Variants in PIBF1 observed in about 807,000 individuals in gnomAD.
PIBF1 encodes progesterone-induced-blocking factor 1.
A neutral mutation model predicts 112.5 loss-of-function variants in PIBF1; 90 were observed. The observed-to-expected ratio is 0.80, with a 90% CI of 0.67 to 0.95. The LOEUF (loss-of-function observed/expected upper bound fraction) is 0.95, where lower values mean the gene tolerates loss of function less well. PIBF1 is among the 40% of genes least tolerant of loss of function. The pLI, the probability that PIBF1 is intolerant of heterozygous loss-of-function variation, is 0.00. For missense variants in PIBF1, 915 were observed against 852.3 expected, an observed-to-expected ratio of 1.07 and a Z score of -0.92; for synonymous variants, 301 against 288.6, an observed-to-expected ratio of 1.04 and a Z score of -0.44.
intron 17 of PIBF1, 80 bp from the exon 18 acceptor site, chr13:73,015,789 A>G: frequency 1.5e-6 from 1 of 663,826 alleles, no homozygotes; most frequent in Non-Finnish European, 2.3e-6. Flanking sequence ...AAAAACCTCA[A>G]TGTATATAGT....
intron 9 of PIBF1, among the ~76,000 whole-genome samples, chr13:72,850,218 C>A (rs1303557226): frequency 2.6e-5 from 4 of 152,158 alleles, no homozygotes; most frequent in Non-Finnish European, 5.9e-5. Context: ...TTGGTAGAAG[C>A]CTTAGCTTCT....
At chr13:72,842,184 G>A (rs140031813) in intron 9 of PIBF1, among the ~76,000 whole-genome samples, 164 of 152,312 alleles carry the variant, frequency 1.1e-3, no homozygotes, top group African/African-American at 3.8e-3. Flanking sequence ...AAGGTAAAGG[G>A]AGATAAATTC....
intron 15 of PIBF1, among the ~76,000 whole-genome samples, chr13:72,972,774 G>A (rs2042930299): frequency 6.6e-6 from 1 of 152,112 alleles, no homozygotes; most frequent in Non-Finnish European, 1.5e-5. Context: ...CACCATGCCA[G>A]GCCAGAAATT....
At chr13:72,839,077 C>A (rs889623684) in intron 9 of PIBF1, among the ~76,000 whole-genome samples, 1 of 152,140 alleles carries the variant, frequency 6.6e-6, no homozygotes, top group Non-Finnish European at 1.5e-5. Context: ...ATGAATTGAT[C>A]TGATTTTATA....
chr13:72,996,654 G>A (rs2043682699), intron 16 of PIBF1, among the ~76,000 whole-genome samples: 1 of 152,012 alleles, frequency 6.6e-6, no homozygotes. Flanking sequence ...TGGGTGTGGG[G>A]GAATGCCCCT....
chr13:72,932,675 A>G (rs964998383), intron 14 of PIBF1, among the ~76,000 whole-genome samples: 3 of 152,236 alleles, frequency 2.0e-5, no homozygotes, highest in African/African-American at 7.2e-5. Flanking sequence ...TAATGTTTGC[A>G]CCATACAGAT....
At chr13:72,857,840 CAAAACAAAAACA>C (rs759159210) in intron 10 of PIBF1, among the ~76,000 whole-genome samples, 1 of 151,874 alleles carries the variant, frequency 6.6e-6, no homozygotes, top group African/African-American at 2.4e-5. Context: ...AACTCTGTCT[CAAAACAAAAACA>C]AAAACAAAAA....
intron 1 of PIBF1, among the ~76,000 whole-genome samples, chr13:72,782,648 T>A (rs1165704856): frequency 6.6e-6 from 1 of 152,216 alleles, no homozygotes; most frequent in Non-Finnish European, 1.5e-5. Flanking sequence ...CATGAGGTAT[T>A]AAAACAAGGT....
At chr13:72,917,200 C>T (rs1241251980) in intron 13 of PIBF1, 34 bp downstream of exon 13, 1 of 1,255,492 alleles carries the variant, frequency 8.0e-7, no homozygotes, top group Non-Finnish European at 1.1e-6. Context: ...TATTTATCTA[C>T]TCAAGATGAA....
chr13:72,815,379 T>C (rs2036219030), intron 5 of PIBF1, among the ~76,000 whole-genome samples: 1 of 152,236 alleles, frequency 6.6e-6, no homozygotes, highest in Non-Finnish European at 1.5e-5. Context: ...GCTTTCTTCA[T>C]ATGAGTTTGT....
At chr13:72,983,639 A>G (rs1050173402) in intron 16 of PIBF1, among the ~76,000 whole-genome samples, 4 of 152,142 alleles carry the variant, frequency 2.6e-5, no homozygotes, top group African/African-American at 9.7e-5. Flanking sequence ...ATTCTAACTC[A>G]TATGTTCTTT....
At chr13:72,917,022 T>G (rs768205014) in intron 12 of PIBF1, 54 bp from the exon 13 acceptor site, 23 of 1,189,602 alleles carry the variant, frequency 1.9e-5, no homozygotes, top group Non-Finnish European at 2.7e-5. Flanking sequence ...TTCTGCCATC[T>G]TTTTTAAAGG....
At chr13:72,821,229 G>A (rs1159295977) in intron 5 of PIBF1, among the ~76,000 whole-genome samples, 1 of 152,142 alleles carries the variant, frequency 6.6e-6, no homozygotes, top group East Asian at 1.9e-4. Context: ...AGATTGTAAA[G>A]AACCTTGTGA....
At chr13:72,923,467 A>T (rs2041368410) in intron 13 of PIBF1, among the ~76,000 whole-genome samples, 1 of 152,224 alleles carries the variant, frequency 6.6e-6, no homozygotes, top group Non-Finnish European at 1.5e-5. Context: ...TTTCTAGCTG[A>T]TATCAAACTT....
At chr13:72,888,935 C>T (rs1396213886) in intron 10 of PIBF1, among the ~76,000 whole-genome samples, 2 of 151,848 alleles carry the variant, frequency 1.3e-5, no homozygotes, top group African/African-American at 4.8e-5. Flanking sequence ...TGCAGTGACC[C>T]ACACCTGTAA....
intron 10 of PIBF1, among the ~76,000 whole-genome samples, chr13:72,866,181 G>A (rs1311121637): frequency 5.3e-5 from 8 of 151,916 alleles, no homozygotes; most frequent in Non-Finnish European, 8.8e-5. Flanking sequence ...TTGCATGTAC[G>A]GCACACTCAG....
At chr13:72,970,392 T>C (rs1190769530) in intron 15 of PIBF1, among the ~76,000 whole-genome samples, 1 of 152,182 alleles carries the variant, frequency 6.6e-6, no homozygotes, top group Non-Finnish European at 1.5e-5. Context: ...GGAAAGAGAA[T>C]AATTAGCATA....
intron 10 of PIBF1, among the ~76,000 whole-genome samples, chr13:72,865,940 A>G (rs959071072): frequency 6.6e-6 from 1 of 152,216 alleles, no homozygotes; most frequent in African/African-American, 2.4e-5. Flanking sequence ...TGGTGGCAAA[A>G]CAACAGAAAT....
At chr13:72,906,696 G>A (rs956539829) in intron 11 of PIBF1, among the ~76,000 whole-genome samples, 21 of 152,192 alleles carry the variant, frequency 1.4e-4, no homozygotes, top group Middle Eastern at 3.4e-3. Flanking sequence ...TACATCTCTC[G>A]TAATGGTTTT....
Sources: gnomAD v4.1 joint callset for allele counts (sites outside exome capture counted in the v4.1 genomes callset) on GRCh38, gnomAD v4.1.1 for gene constraint, MANE v1.5 for transcripts, NCBI Gene and HGNC (gene_info 2026-07-23, HGNC 2026-07-21) for gene names.